HPSE2: variants seen among roughly 807,000 people sequenced by gnomAD.
HPSE2 encodes the protein inactive heparanase-2.
In HPSE2, 38 loss-of-function variants were observed where a neutral mutation model predicts 60.5. The observed-to-expected ratio is 0.63, with a 90% CI of 0.48 to 0.82. The LOEUF (loss-of-function observed/expected upper bound fraction) is 0.82. HPSE2 is among the 40% of genes least tolerant of loss of function. The pLI, the probability that HPSE2 is intolerant of heterozygous loss-of-function variation, is 0.00. For missense variants in HPSE2, 713 were observed against 740.4 expected (o/e 0.96, Z 0.43); for synonymous variants, 295 against 293.2 (o/e 1.01, Z -0.06).
chr10:98,919,308 G>T (rs545225293), intron 3 of HPSE2, among the ~76,000 whole-genome samples: 26 of 152,266 alleles, frequency 1.7e-4, no homozygotes, highest in African/African-American at 6.3e-4. Flanking sequence ...AGAAGGAGAT[G>T]AAGTTAGCAA....
At chr10:98,731,255 G>A (rs1485394509) in intron 4 of HPSE2, among the ~76,000 whole-genome samples, 1 of 151,978 alleles carries the variant, frequency 6.6e-6, no homozygotes, top group African/African-American at 2.4e-5. Flanking sequence ...CTCCAGTCTG[G>A]GCGACAGAGT....
At chr10:98,610,727 T>C (rs1945731985) in intron 9 of HPSE2, among the ~76,000 whole-genome samples, 1 of 152,178 alleles carries the variant, frequency 6.6e-6, no homozygotes, top group Non-Finnish European at 1.5e-5. Context: ...CATATCAGAT[T>C]ATTAGTTCCA....
chr10:99,047,055 A>G (rs1275506508), intron 3 of HPSE2, among the ~76,000 whole-genome samples: 1 of 152,174 alleles, frequency 6.6e-6, no homozygotes, highest in Non-Finnish European at 1.5e-5. Context: ...ACAGCATGCT[A>G]CCCAACTTCA....
chr10:98,597,194 A>G (rs1483666237), intron 9 of HPSE2, among the ~76,000 whole-genome samples: 1 of 152,166 alleles, frequency 6.6e-6, no homozygotes, highest in Non-Finnish European at 1.5e-5. Flanking sequence ...GGGAACTACA[A>G]TTCAAGATGA....
intron 3 of HPSE2, among the ~76,000 whole-genome samples, chr10:98,889,268 T>C (rs770863164): frequency 2.7e-4 from 41 of 152,040 alleles, no homozygotes; most frequent in Non-Finnish European, 4.7e-4. Context: ...CTGCAACCTC[T>C]GCACCCATGG....
chr10:98,856,922 T>G (rs1425764888), intron 3 of HPSE2, among the ~76,000 whole-genome samples: 3 of 152,200 alleles, frequency 2.0e-5, no homozygotes, highest in Admixed American at 6.5e-5. Context: ...AGCTGCAATC[T>G]GGCCAACACT....
chr10:99,073,159 C>T (rs1842851994), intron 3 of HPSE2, among the ~76,000 whole-genome samples: 3 of 152,064 alleles, frequency 2.0e-5, no homozygotes, highest in African/African-American at 7.2e-5. Context: ...CATTCTATTA[C>T]AAAGATGAAG....
At chr10:99,087,170 T>C (rs1319670705) in intron 3 of HPSE2, among the ~76,000 whole-genome samples, 1 of 152,258 alleles carries the variant, frequency 6.6e-6, no homozygotes, top group Non-Finnish European at 1.5e-5. Flanking sequence ...AAAAATCATG[T>C]GTACTTTCAA....
Position 98,529,076 on chromosome 10 carries a change from A to G in HPSE2, c.1321-38880T>C, listed in dbSNP as rs548549663. Among the ~76,000 whole-genome samples, 34 of 152,298 alleles carry G rather than the reference A, an allele frequency of 2.2e-4. No individual in the cohort carries two copies. In the East Asian group the frequency reaches 5.6e-3, roughly 25 times the overall value. ...CATTTTCAAATGCGCGCACGCGCGC[A>G]CACACACAGACACACACAAACTCTT... On this transcript the variant is annotated intron_variant, in intron 9 of 11. Transcript: ENST00000370552.
chr10:99,102,015 G>A (rs924941047), intron 3 of HPSE2, among the ~76,000 whole-genome samples: 6 of 152,148 alleles, frequency 3.9e-5, no homozygotes, highest in African/African-American at 1.4e-4. Flanking sequence ...AGCACTAAAT[G>A]CCCACAAGAG....
At chr10:99,022,868 C>T (rs889809375) in intron 3 of HPSE2, among the ~76,000 whole-genome samples, 6 of 152,156 alleles carry the variant, frequency 3.9e-5, no homozygotes, top group African/African-American at 1.4e-4. Context: ...AATCAAGGGC[C>T]TTGGGTGAGC....
At chr10:99,255,792 T>A in the HPSE2 span, among the ~76,000 whole-genome samples, 1 of 152,200 alleles carries the variant, frequency 6.6e-6, no homozygotes, top group Non-Finnish European at 1.5e-5. Context: ...TGCCTCCACC[T>A]TCACAAAAGC....
intron 5 of HPSE2, among the ~76,000 whole-genome samples, chr10:98,697,819 A>G (rs1589659626): frequency 6.6e-6 from 1 of 152,146 alleles, no homozygotes; most frequent in Non-Finnish European, 1.5e-5. Flanking sequence ...CTCAGCAGAA[A>G]CCCTGCAAGC....
chr10:98,482,491 A>G (rs1057096067), intron 11 of HPSE2, 145 bp downstream of exon 11: 11 of 908,952 alleles, frequency 1.2e-5, no homozygotes, highest in Non-Finnish European at 2.0e-5. Context: ...AGGAGTCAGC[A>G]GTCACCTGAC....
chr10:99,300,154 G>C, the HPSE2 span, among the ~76,000 whole-genome samples: 1 of 151,928 alleles, frequency 6.6e-6, no homozygotes, highest in African/African-American at 2.4e-5. Context: ...GTTCAGACAA[G>C]AGCCCCCCAT....
intron 3 of HPSE2, among the ~76,000 whole-genome samples, chr10:98,897,364 A>G (rs1451534270): frequency 1.3e-5 from 2 of 152,158 alleles, no homozygotes; most frequent in Non-Finnish European, 2.9e-5. Flanking sequence ...TTATATGGAA[A>G]AGCAAAAGAT....
chr10:99,305,952 C>G, the HPSE2 span, among the ~76,000 whole-genome samples: 1 of 57,702 alleles, frequency 1.7e-5, no homozygotes. Flanking sequence ...AATATCCAAA[C>G]TCACACACAC....
chr10:98,846,501 T>A (rs1017688860), intron 3 of HPSE2, among the ~76,000 whole-genome samples: 1 of 152,218 alleles, frequency 6.6e-6, no homozygotes, highest in Non-Finnish European at 1.5e-5. Context: ...TTTTTCTCCT[T>A]GTTGTTGAGG....
At chr10:98,692,337 C>G (rs1430841043) in intron 6 of HPSE2, among the ~76,000 whole-genome samples, 4 of 152,012 alleles carry the variant, frequency 2.6e-5, no homozygotes, top group Non-Finnish European at 5.9e-5. Context: ...CAGATGAAAT[C>G]AGAAAGTAGC....
Sources: allele counts gnomAD v4.1 joint callset (sites outside exome capture counted in the v4.1 genomes callset), GRCh38; gene constraint gnomAD v4.1.1; transcripts MANE v1.5; gene names NCBI Gene and HGNC (gene_info 2026-07-23, HGNC 2026-07-21).